Variants in COG2 observed in about 807,000 individuals in gnomAD.
The protein encoded by COG2 is conserved oligomeric Golgi complex subunit 2.
In COG2, 52 loss-of-function variants were observed where a neutral mutation model predicts 90.6. That is an observed-to-expected ratio of 0.57 (90% CI 0.46 to 0.72). The LOEUF (loss-of-function observed/expected upper bound fraction) is 0.72, where lower values mean the gene tolerates loss of function less well. Among genes scored for constraint, COG2 ranks in the 30% least tolerant of loss-of-function variants. The pLI is 0.00. For missense variants in COG2, 829 were observed against 891.2 expected (o/e 0.93, Z 0.89); for synonymous variants, 337 against 320.4 (o/e 1.05, Z -0.55).
At chr1:230,663,552 C>T (rs181142878) in intron 4 of COG2, among the ~76,000 whole-genome samples, 64 of 152,280 alleles carry the variant, frequency 4.2e-4, no homozygotes, top group African/African-American at 1.5e-3. Context: ...GAATGTAGTG[C>T]ACTGCTAGAA....
chr1:230,645,920 T>C (rs2102739170), intron 1 of COG2, among the ~76,000 whole-genome samples: 1 of 152,138 alleles, frequency 6.6e-6, no homozygotes, highest in South Asian at 2.1e-4. Flanking sequence ...CAATACAGAG[T>C]GGCTGTGAAT....
At chr1:230,675,205 T>G (rs1012634147) in intron 9 of COG2, 81 bp downstream of exon 9, 1 of 1,478,654 alleles carries the variant, frequency 6.8e-7, no homozygotes, top group African/African-American at 1.4e-5. Flanking sequence ...CTACTTAGTC[T>G]TGGTTCTGTG....
chr1:230,683,524 G>A (rs1255825610), intron 10 of COG2, 50 bp from the exon 11 acceptor site: 4 of 1,357,648 alleles, frequency 2.9e-6, no homozygotes, highest in Non-Finnish European at 4.2e-6. Flanking sequence ...ATAGGGAAAG[G>A]CATCTGTCAG....
At chr1:230,645,233 C>CAAAA (rs57806034) in intron 1 of COG2, among the ~76,000 whole-genome samples, 32 of 90,968 alleles carry the variant, frequency 3.5e-4, no homozygotes, top group Non-Finnish European at 4.3e-4. Context: ...GAGACCCTGT[C>CAAAA]AAAAAAAAAA....
chr1:230,685,378 C>G, intron 12 of COG2, 142 bp downstream of exon 12: 1 of 774,504 alleles, frequency 1.3e-6, no homozygotes, highest in Non-Finnish European at 2.0e-6. Context: ...AAGATTGTCT[C>G]CAGCTCTGTG....
intron 5 of COG2, among the ~76,000 whole-genome samples, chr1:230,667,323 C>T (rs1386978987): frequency 6.6e-6 from 1 of 152,092 alleles, no homozygotes; most frequent in Non-Finnish European, 1.5e-5. Context: ...ATAATAGACA[C>T]TGCAGTCTTC....
At chr1:230,679,073 C>A (rs547986966) in intron 10 of COG2, 21 bp downstream of exon 10, 7 of 1,606,000 alleles carry the variant, frequency 4.4e-6, no homozygotes, top group South Asian at 1.1e-5. Flanking sequence ...TATTCACCGC[C>A]CCCGCCCCGC....
intron 8 of COG2, 65 bp downstream of exon 8, chr1:230,671,705 G>A (rs1443369185): frequency 8.9e-6 from 13 of 1,467,620 alleles, no homozygotes; most frequent in Admixed American, 7.6e-5. Flanking sequence ...CTAATTGCAG[G>A]TGCACGATGG....
intron 2 of COG2, among the ~76,000 whole-genome samples, 158 bp from the exon 3 acceptor site, chr1:230,660,600 A>G (rs1452864812): frequency 1.3e-5 from 2 of 152,196 alleles, no homozygotes; most frequent in African/African-American, 4.8e-5. Context: ...TTTATTATAA[A>G]ATAACATTTG....
intron 1 of COG2, among the ~76,000 whole-genome samples, chr1:230,656,286 C>T (rs192486541): frequency 1.6e-4 from 25 of 152,202 alleles, no homozygotes; most frequent in African/African-American, 6.0e-4. Flanking sequence ...ACATGTGTCC[C>T]GGAGATTCTG....
intron 1 of COG2, among the ~76,000 whole-genome samples, chr1:230,647,320 G>A (rs980230637): frequency 3.3e-5 from 5 of 152,106 alleles, no homozygotes; most frequent in African/African-American, 1.2e-4. Flanking sequence ...CTCAGATAAG[G>A]GGACCCCTTA....
In COG2 at chr1:230,693,497, CA is replaced by C. The variant is rs1226998357; in HGVS notation, c.*107del. The C allele has an allele frequency of 1.5e-6, 1 of 668,700 alleles. No individual in the cohort carries two copies. Among genetic ancestry groups the C allele is most frequent in the Non-Finnish European group, 2.6e-6 (1 of 386,644 alleles). 41.4% of individuals were successfully genotyped at this position (668,700 alleles called of 1,614,324 possible). On this transcript the variant is annotated 3_prime_UTR_variant, in exon 18 of 18. Transcript: ENST00000366669. ...CTGTTCTCTTAGCAACCGTCTGTAG[CA>C]AAGAAGTGCTTCCAGCATCACTCCA... is the stretch of plus-strand genomic sequence containing the variant.
intron 12 of COG2, among the ~76,000 whole-genome samples, chr1:230,686,710 A>G (rs531094910): frequency 6.6e-6 from 1 of 152,166 alleles, no homozygotes; most frequent in Admixed American, 6.5e-5. Flanking sequence ...GACAAGTTCC[A>G]GAAGGTAAAT....
intron 8 of COG2, among the ~76,000 whole-genome samples, chr1:230,674,278 A>G (rs1662531687): frequency 6.6e-6 from 1 of 152,212 alleles, no homozygotes; most frequent in Non-Finnish European, 1.5e-5. Flanking sequence ...AGATGAAGAA[A>G]CCAAGCACAG....
Position 230,693,560 on chromosome 1 carries a change from G to A in COG2, c.*167G>A. 2 of 472,654 alleles carry A rather than the reference G, an allele frequency of 4.2e-6. No individual in the cohort carries two copies. Among genetic ancestry groups the A allele is most frequent in the Non-Finnish European group, 3.8e-6 (1 of 262,790 alleles). 29.3% of individuals were successfully genotyped at this position (472,654 alleles called of 1,614,324 possible). On this transcript the variant is annotated 3_prime_UTR_variant, in exon 18 of 18. Coordinates refer to ENST00000366669, the MANE Select transcript of COG2 (RefSeq NM_007357.3). ...ATGCGTCTTCTCTCAGCGTATTTGG[G>A]TCTTCTTTGCCCAAAAGAACACAAA...
intron 13 of COG2, 78 bp from the exon 14 acceptor site, chr1:230,687,993 T>C (rs1458511143): frequency 8.6e-6 from 8 of 935,098 alleles, no homozygotes; most frequent in South Asian, 3.3e-5. Flanking sequence ...ATTCTAGAGT[T>C]TGTAGATGCA....
chr1:230,688,336 A>T, intron 14 of COG2, 84 bp from the exon 15 acceptor site: 7 of 1,493,216 alleles, frequency 4.7e-6, no homozygotes, highest in Non-Finnish European at 6.5e-6. Context: ...ATAGTACACA[A>T]TGTAAATGCT....
chr1:230,669,750 T>C, intron 7 of COG2: 1 of 420,060 alleles, frequency 2.4e-6, no homozygotes, highest in Non-Finnish European at 4.2e-6. Context: ...TCAGGTGTCC[T>C]AGGAATGCTG....
chr1:230,643,255 G>A (rs1196634783), intron 1 of COG2, among the ~76,000 whole-genome samples: 1 of 152,182 alleles, frequency 6.6e-6, no homozygotes, highest in East Asian at 1.9e-4. Flanking sequence ...TGCATTTGAA[G>A]AAGTTGGTAG....
Sources: allele counts gnomAD v4.1 joint callset (sites outside exome capture counted in the v4.1 genomes callset), GRCh38; gene constraint gnomAD v4.1.1; transcripts MANE v1.5; gene names NCBI Gene and HGNC (gene_info 2026-07-23, HGNC 2026-07-21).